The following RAD51B variants were observed in gnomAD, a reference collection of about 807,000 sequenced individuals.
RAD51B encodes RAD51 paralog B.
Under a neutral mutation model 42.2 loss-of-function variants are expected in RAD51B, and 38 were observed. The ratio of observed to expected loss-of-function variants is 0.90; its 90% confidence interval spans 0.70 to 1.18. The LOEUF is 1.18. Ranked by LOEUF, RAD51B falls within the 50% of genes most tolerant of loss-of-function variation. The pLI is 0.00. For missense variants in RAD51B, 373 were observed against 400.7 expected, an observed-to-expected ratio of 0.93 and a Z score of 0.59; for synonymous variants, 154 against 145.2, an observed-to-expected ratio of 1.06 and a Z score of -0.43.
intron 4 of RAD51B, among the ~76,000 whole-genome samples, chr14:67,846,969 G>A (rs116971137): frequency 3.3e-5 from 5 of 152,150 alleles, no homozygotes; most frequent in African/African-American, 7.2e-5. Flanking sequence ...CCCTGGGGTC[G>A]TGGGGTCTCC....
intron 7 of RAD51B, among the ~76,000 whole-genome samples, chr14:67,906,060 G>A (rs1027933928): frequency 5.3e-5 from 8 of 151,872 alleles, no homozygotes; most frequent in African/African-American, 9.7e-5. Flanking sequence ...CTTATTCTGC[G>A]GTATGTTTCT....
intron 10 of RAD51B, among the ~76,000 whole-genome samples, chr14:68,526,100 G>A (rs1886911785): frequency 6.6e-6 from 1 of 152,210 alleles, no homozygotes; most frequent in African/African-American, 2.4e-5. Flanking sequence ...AAATACATGA[G>A]TTAATATATG....
intron 10 of RAD51B, among the ~76,000 whole-genome samples, chr14:68,569,289 G>C (rs780894363): frequency 1.3e-4 from 20 of 152,166 alleles, no homozygotes; most frequent in Admixed American, 1.0e-3. Context: ...TGATCAATTG[G>C]CAACTTAAGG....
At chr14:68,169,727 C>A (rs889962108) in intron 7 of RAD51B, among the ~76,000 whole-genome samples, 6 of 152,008 alleles carry the variant, frequency 3.9e-5, no homozygotes, top group Admixed American at 2.0e-4. Context: ...TGCAAGGTAG[C>A]CATGATGGGT....
chr14:68,172,197 G>A (rs549153684), intron 7 of RAD51B, among the ~76,000 whole-genome samples: 3 of 151,936 alleles, frequency 2.0e-5, no homozygotes, highest in Admixed American at 2.0e-4. Flanking sequence ...CCCTTAAATC[G>A]CCTAGTTCTC....
intron 4 of RAD51B, among the ~76,000 whole-genome samples, chr14:67,838,503 C>T (rs974360008): frequency 2.0e-5 from 3 of 151,964 alleles, no homozygotes; most frequent in Admixed American, 2.0e-4. Context: ...AGTGCAGTGG[C>T]ACAACCATAG....
chr14:68,668,107 T>C (rs1893070235), intron 11 of RAD51B, among the ~76,000 whole-genome samples: 1 of 152,188 alleles, frequency 6.6e-6, no homozygotes, highest in South Asian at 2.1e-4. Flanking sequence ...AAATATCTGC[T>C]TCAATGAATA....
At chr14:68,371,056 G>GAAAAAAAA (rs869154803) in intron 8 of RAD51B, among the ~76,000 whole-genome samples, 1 of 90,634 alleles carries the variant, frequency 1.1e-5, no homozygotes, top group Non-Finnish European at 2.1e-5. Flanking sequence ...AAAAAAAAAA[G>GAAAAAAAA]AAAAAAAGAA....
intron 11 of RAD51B, among the ~76,000 whole-genome samples, chr14:68,667,780 T>C (rs1893062496): frequency 1.3e-5 from 2 of 152,234 alleles, no homozygotes; most frequent in African/African-American, 4.8e-5. Context: ...TTATTTATTA[T>C]ATCTCCATTG....
chr14:68,560,367 A>C (rs1354135108), intron 10 of RAD51B, among the ~76,000 whole-genome samples: 1 of 152,174 alleles, frequency 6.6e-6, no homozygotes, highest in Non-Finnish European at 1.5e-5. Flanking sequence ...TTCGGCATAC[A>C]GTGGCCCACC....
At chr14:68,450,206 CTTTTTT>C (rs67536658) in intron 9 of RAD51B, among the ~76,000 whole-genome samples, 7 of 47,906 alleles carry the variant, frequency 1.5e-4, no homozygotes, top group South Asian at 1.2e-3. Context: ...GAGCTTAGGG[CTTTTTT>C]TTTTTTTTTT....
chr14:67,957,326 C>G (rs2074571848), intron 7 of RAD51B, among the ~76,000 whole-genome samples: 1 of 152,028 alleles, frequency 6.6e-6, no homozygotes, highest in African/African-American at 2.4e-5. Context: ...TATCTGGAGC[C>G]CAGATAATTT....
intron 7 of RAD51B, among the ~76,000 whole-genome samples, chr14:68,123,079 C>T (rs2077683217): frequency 6.6e-6 from 1 of 152,054 alleles, no homozygotes; most frequent in Admixed American, 6.6e-5. Flanking sequence ...ACTTTCTTTT[C>T]AGTGCAAATC....
At chr14:68,211,638 C>T (rs531642842) in intron 7 of RAD51B, among the ~76,000 whole-genome samples, 6 of 152,258 alleles carry the variant, frequency 3.9e-5, no homozygotes, top group South Asian at 2.1e-4. Context: ...ATATATAAAA[C>T]CATCAGATAT....
intron 11 of RAD51B, among the ~76,000 whole-genome samples, chr14:68,656,774 T>A (rs10131387): frequency 0.038 from 5,804 of 152,044 alleles, 348 homozygotes; most frequent in African/African-American, 0.13. Context: ...GCAAGGAAGG[T>A]GCAGCATGGC....
intron 10 of RAD51B, among the ~76,000 whole-genome samples, chr14:68,530,358 G>T (rs981983655): frequency 6.9e-6 from 1 of 145,554 alleles, no homozygotes; most frequent in Non-Finnish European, 1.5e-5. Flanking sequence ...GATATGGGAG[G>T]ATTGCTGGAG....
intron 7 of RAD51B, among the ~76,000 whole-genome samples, chr14:68,180,520 G>C (rs2767380): frequency 0.015 from 2,341 of 152,180 alleles, 50 homozygotes; most frequent in African/African-American, 0.052. Flanking sequence ...CTACATTTCA[G>C]GCACGATAAG....
At chr14:67,869,021 CA>C (rs1235637417) in intron 5 of RAD51B, among the ~76,000 whole-genome samples, 1 of 152,214 alleles carries the variant, frequency 6.6e-6, no homozygotes, top group Non-Finnish European at 1.5e-5. Flanking sequence ...CTCTGAAAAG[CA>C]GAGCGACTTT....
At chr14:68,275,815 CA>C (rs1181710597) in intron 7 of RAD51B, among the ~76,000 whole-genome samples, 5 of 150,578 alleles carry the variant, frequency 3.3e-5, no homozygotes, top group African/African-American at 1.2e-4. Flanking sequence ...CACACACACA[CA>C]CACACACACA....
Sources: allele counts gnomAD v4.1 joint callset (sites outside exome capture counted in the v4.1 genomes callset), GRCh38; gene constraint gnomAD v4.1.1; transcripts MANE v1.5; gene names NCBI Gene and HGNC (gene_info 2026-07-23, HGNC 2026-07-21).